The following GRXCR1 variants were observed in gnomAD, a reference collection of about 807,000 sequenced individuals.
GRXCR1 encodes glutaredoxin domain-containing cysteine-rich protein 1.
A neutral mutation model predicts 27.3 loss-of-function variants in GRXCR1; 27 were observed. That is an observed-to-expected ratio of 0.99 (90% CI 0.73 to 1.37). The LOEUF (loss-of-function observed/expected upper bound fraction) is 1.37. Ranked by LOEUF, GRXCR1 falls within the 40% of genes most tolerant of loss-of-function variation. The probability of loss-of-function intolerance (pLI) is 0.00; values close to 1 mark genes in which losing one functional copy is unlikely to be tolerated. For missense variants in GRXCR1, 379 were observed against 354.4 expected (o/e 1.07, Z -0.56); for synonymous variants, 122 against 131.1 (o/e 0.93, Z 0.47).
At chr4:42,988,868 A>G (rs1711866663) in intron 2 of GRXCR1, among the ~76,000 whole-genome samples, 1 of 152,248 alleles carries the variant, frequency 6.6e-6, no homozygotes, top group Non-Finnish European at 1.5e-5. Context: ...AAGAAGATCA[A>G]TAAGAAAGTT....
chr4:42,956,041 G>A (rs750587406), intron 1 of GRXCR1, among the ~76,000 whole-genome samples: 2 of 152,058 alleles, frequency 1.3e-5, no homozygotes, highest in Non-Finnish European at 2.9e-5. Context: ...ACTCATTGTT[G>A]TGCTGTGGCT....
chr4:42,919,715 C>A (rs1377710002), intron 1 of GRXCR1, among the ~76,000 whole-genome samples: 1 of 152,040 alleles, frequency 6.6e-6, no homozygotes, highest in Non-Finnish European at 1.5e-5. Context: ...GAAACAAGGC[C>A]ATTTCCAGGA....
At chr4:42,995,509 C>T (rs1712125423) in intron 2 of GRXCR1, among the ~76,000 whole-genome samples, 1 of 152,064 alleles carries the variant, frequency 6.6e-6, no homozygotes, top group Non-Finnish European at 1.5e-5. Context: ...GATAATTGCA[C>T]AATTGTGTAC....
chr4:43,002,990 C>T (rs888512203), intron 2 of GRXCR1, among the ~76,000 whole-genome samples: 2 of 152,152 alleles, frequency 1.3e-5, no homozygotes, highest in African/African-American at 4.8e-5. Flanking sequence ...TGAGTGAGTG[C>T]TCAAGAGATA....
chr4:42,940,360 A>G (rs1243899058), intron 1 of GRXCR1, among the ~76,000 whole-genome samples: 2 of 152,098 alleles, frequency 1.3e-5, no homozygotes, highest in African/African-American at 4.8e-5. Flanking sequence ...CTGTCTCTAT[A>G]GTTTTCAGGG....
intron 1 of GRXCR1, among the ~76,000 whole-genome samples, chr4:42,919,880 T>G (rs1211826651): frequency 1.3e-5 from 2 of 152,182 alleles, no homozygotes; most frequent in African/African-American, 4.8e-5. Flanking sequence ...TCAGTTGACT[T>G]CATCTCTCAG....
intron 2 of GRXCR1, among the ~76,000 whole-genome samples, chr4:43,012,235 C>T (rs1044148688): frequency 6.6e-6 from 1 of 152,158 alleles, no homozygotes; most frequent in African/African-American, 2.4e-5. Flanking sequence ...GGCTGAAGAA[C>T]ACTTTATGTA....
rs747866769 is a variant in GRXCR1 at position 42,893,254 on chromosome 4, G to C, written c.-13G>C. 22 of 1,613,366 alleles carry C rather than the reference G, an allele frequency of 1.4e-5. No homozygotes were observed. The highest frequency in any genetic ancestry group is 1.9e-5 in the Non-Finnish European group (22 of 1,179,630). On this transcript the variant is annotated 5_prime_UTR_variant, in exon 1 of 4. Transcript: ENST00000399770. The stretch of plus-strand genomic sequence containing the variant: ...CAGAATGCTGTAAACTGTTCATATG[G>C]GTGGAGGTGACCATGCTTAAAAGGG...
intron 2 of GRXCR1, among the ~76,000 whole-genome samples, chr4:42,996,027 C>T (rs28549986): frequency 0.016 from 2,419 of 152,268 alleles, 71 homozygotes; most frequent in African/African-American, 0.054. Context: ...TACTTTATCA[C>T]AGGCAGGATT....
chr4:42,988,056 T>TA (rs926103564), intron 2 of GRXCR1, among the ~76,000 whole-genome samples: 1 of 152,124 alleles, frequency 6.6e-6, no homozygotes, highest in Non-Finnish European at 1.5e-5. Flanking sequence ...GAGCTTAAAA[T>TA]AACCTGATCC....
intron 2 of GRXCR1, among the ~76,000 whole-genome samples, chr4:43,000,714 G>A (rs1397243470): frequency 9.2e-5 from 14 of 151,770 alleles, no homozygotes; most frequent in Non-Finnish European, 1.0e-4. Flanking sequence ...ATAGGCTTCC[G>A]TACCATCTTT....
chr4:42,911,344 A>G (rs563851380), intron 1 of GRXCR1, among the ~76,000 whole-genome samples: 41 of 152,276 alleles, frequency 2.7e-4, no homozygotes, highest in Admixed American at 1.2e-3. Flanking sequence ...AATAGCAACA[A>G]AAGTGTATAA....
chr4:42,973,489 A>C (rs997135609), intron 2 of GRXCR1, among the ~76,000 whole-genome samples: 2 of 150,754 alleles, frequency 1.3e-5, no homozygotes, highest in Non-Finnish European at 3.0e-5. Context: ...TTTTCTTGAC[A>C]TTAAAAAAAT....
intron 2 of GRXCR1, among the ~76,000 whole-genome samples, chr4:42,987,886 A>G (rs1311471472): frequency 2.0e-5 from 3 of 152,344 alleles, no homozygotes; most frequent in African/African-American, 4.8e-5. Flanking sequence ...CTCAACTCAA[A>G]GCAGATTGTA....
Position 42,998,039 on chromosome 4 carries a change from G to A in GRXCR1, c.628-22315G>A, listed in dbSNP as rs114449668. On this transcript the variant is annotated intron_variant, in intron 2 of 3. Transcript: ENST00000399770. The stretch of plus-strand genomic sequence containing the variant: ...TAAAAGCGTATATTTCTTACTTTAT[G>A]TCAGGCACAATGGTCCTTCCAGTTT... Among the ~76,000 whole-genome samples the A allele has an allele frequency of 1.9e-3, 292 of 152,248 alleles. 1 individual carries two copies. The highest frequency in any genetic ancestry group is 6.5e-3 in the African/African-American group (271 of 41,544).
At chr4:42,988,231 G>C (rs1475413503) in intron 2 of GRXCR1, among the ~76,000 whole-genome samples, 1 of 152,102 alleles carries the variant, frequency 6.6e-6, no homozygotes, top group African/African-American at 2.4e-5. Flanking sequence ...GGAGAAAATA[G>C]GCAAGACCTA....
intron 1 of GRXCR1, among the ~76,000 whole-genome samples, chr4:42,899,160 C>A (rs1746412207): frequency 6.6e-6 from 1 of 152,074 alleles, no homozygotes; most frequent in South Asian, 2.1e-4. Context: ...TGGTTATTTT[C>A]CTCTTCTCCA....
chr4:42,952,471 C>T (rs1346310649), intron 1 of GRXCR1, among the ~76,000 whole-genome samples: 3 of 152,066 alleles, frequency 2.0e-5, no homozygotes, highest in Admixed American at 6.6e-5. Flanking sequence ...ACTTGACCAC[C>T]CCCTACCTCA....
intron 2 of GRXCR1, among the ~76,000 whole-genome samples, chr4:42,984,280 T>TTGCCCC (rs1446176247): frequency 6.6e-6 from 1 of 152,232 alleles, no homozygotes; most frequent in African/African-American, 2.4e-5. Flanking sequence ...TCTTGTCACT[T>TTGCCCC]TTTATTTTTC....
Sources: gnomAD v4.1 joint callset for allele counts (sites outside exome capture counted in the v4.1 genomes callset) on GRCh38, gnomAD v4.1.1 for gene constraint, MANE v1.5 for transcripts, NCBI Gene and HGNC (gene_info 2026-07-23, HGNC 2026-07-21) for gene names.